The following ITGA2 variants were observed in gnomAD, a reference collection of about 807,000 sequenced individuals.
ITGA2 encodes integrin alpha-2.
In ITGA2, 101 loss-of-function variants were observed where a neutral mutation model predicts 146.3. The ratio of observed to expected loss-of-function variants is 0.69; its 90% CI spans 0.59 to 0.81. The LOEUF (loss-of-function observed/expected upper bound fraction) is 0.81. Ranked by LOEUF, ITGA2 falls within the 40% of genes least tolerant of loss-of-function variation. ITGA2 has a pLI of 0.00. For synonymous variants in ITGA2, 477 were observed against 487.1 expected (o/e 0.98, Z 0.27); for missense variants, 1,281 against 1,402.7 (o/e 0.91, Z 1.39).
chr5:53,058,584 G>C (rs1405109412), intron 10 of ITGA2, among the ~76,000 whole-genome samples: 1 of 151,800 alleles, frequency 6.6e-6, no homozygotes. Flanking sequence ...TGTCTTTTCA[G>C]CTCGGGGAAG....
At chr5:53,031,781 T>G (rs1743238076) in intron 2 of ITGA2, among the ~76,000 whole-genome samples, 1 of 152,228 alleles carries the variant, frequency 6.6e-6, no homozygotes, top group Non-Finnish European at 1.5e-5. Flanking sequence ...AGTAAGGCTG[T>G]GGTCTGTTCT....
At chr5:53,054,799 C>T (rs950916515) in intron 7 of ITGA2, among the ~76,000 whole-genome samples, 7 of 151,938 alleles carry the variant, frequency 4.6e-5, no homozygotes, top group African/African-American at 9.6e-5. Flanking sequence ...TGGTGGGAAG[C>T]GGGTGAGGGA....
chr5:53,002,784 C>CA (rs1348682374), intron 1 of ITGA2, among the ~76,000 whole-genome samples: 2 of 151,990 alleles, frequency 1.3e-5, no homozygotes, highest in African/African-American at 2.4e-5. Flanking sequence ...ACAGTGTAGC[C>CA]ATCTGTAATG....
In ITGA2 at chr5:53,048,412, C is replaced by T. The variant is rs148042733; in HGVS notation, c.437C>T (p.Thr146Met). Residue 146 changes from threonine to methionine, a missense_variant, in exon 5 of 30, where the codon ACG (threonine) becomes ATG (methionine). Physicochemically the swap from Thr to Met is moderately conservative, Grantham distance 81. Transcript: ENST00000296585. ...CAATGTGGGAATCAGTATTACACAA[C>T]GGGTGTGTGTTCTGACATCAGTCCT... ...AQQCGNQYYT[T>M]GVCSDISPDF... The T allele has an allele frequency of 5.1e-5, 82 of 1,613,916 alleles. No homozygotes were observed. Among genetic ancestry groups the T allele is most frequent in the Middle Eastern group, 1.6e-4 (1 of 6,084 alleles).
rs1194232651 is a variant in ITGA2 at position 53,090,378 on chromosome 5, AG to A, written c.3466-139del. The A allele has an allele frequency of 6.8e-6, 5 of 738,672 alleles. No individual in the cohort carries two copies. In the Admixed American group the frequency reaches 1.0e-4, roughly 15 times the overall value. 45.8% of individuals were successfully genotyped at this position (738,672 alleles called of 1,614,324 possible). A position where few individuals can be genotyped will look rare whatever the true frequency, so the allele number is the denominator to read the frequency against. ...TTCCTTCTAGCAGGTGGTAGATATC[AG>A]GTCATCAGTCTGCACACCTCCCTTC... On this transcript the variant is annotated intron_variant, in intron 29 of 29. Transcript: ENST00000296585.
At position 53,068,581 on chromosome 5, in the gene ITGA2, G is replaced by A. The variant is rs899936202; in HGVS notation, c.2083+1324G>A. 8.6e-5 allele frequency among the ~76,000 whole-genome samples: 13 copies of A among 151,648 alleles called. 1 individual carries two copies. Among genetic ancestry groups the A allele is most frequent in the Non-Finnish European group, 1.5e-5 (1 of 67,844 alleles). Reference sequence around the variant, plus strand: ...CAGAGAATTTCCTTCCCATCCACAGGCTGCCGAGGGTTTCTGGCCTTTCTT... The same window carrying A: ...CAGAGAATTTCCTTCCCATCCACAGACTGCCGAGGGTTTCTGGCCTTTCTT... On this transcript the variant is annotated intron_variant, in intron 16 of 29. Transcript: ENST00000296585.
In ITGA2 at chr5:53,048,432, A is replaced by G. The variant is rs1744194720; in HGVS notation, c.457A>G (p.Ser153Gly). The change falls in exon 5 of 30, where the codon AGT becomes GGT. Residue 153 changes from serine to glycine, a missense_variant. Transcript: ENST00000296585. ...CACAACGGGTGTGTGTTCTGACATC[A>G]GTCCTGATTTTCAGCTCTCAGCCAG... ...YYTTGVCSDISPDFQLSASFS... is the reference protein window; with the variant it reads ...YYTTGVCSDIGPDFQLSASFS... 1.9e-6 allele frequency: 3 copies of G among 1,614,148 alleles called. No individual in the cohort carries two copies. The highest frequency in any genetic ancestry group is 2.5e-6 in the Non-Finnish European group (3 of 1,179,992).
intron 1 of ITGA2, among the ~76,000 whole-genome samples, chr5:53,024,459 TC>T (rs1742840338): frequency 6.6e-6 from 1 of 152,076 alleles, no homozygotes; most frequent in Non-Finnish European, 1.5e-5. Context: ...TAAAAAAAAA[TC>T]CTAGGTGCTG....
At position 53,083,398 on chromosome 5, in the gene ITGA2, AAGG is replaced by A; in HGVS notation, c.3206_3208del (p.Gly1069del). On this transcript the variant is annotated inframe_deletion, in exon 27 of 30. Coordinates refer to ENST00000296585, the MANE Select transcript of ITGA2 (RefSeq NM_002203.4). ...TGCTGGTTGAAAGACGTTCACATGA[AAGG>A]AGAATACTTTGTTAATGTGACTACC... The A allele has an allele frequency of 3.1e-6, 5 of 1,613,754 alleles. No individual in the cohort carries two copies. The highest frequency in any genetic ancestry group is 3.4e-6 in the Non-Finnish European group (4 of 1,179,678).
At chr5:53,058,694 A>AAGAGATCC (rs1212911599) in intron 10 of ITGA2, among the ~76,000 whole-genome samples, 3 of 151,882 alleles carry the variant, frequency 2.0e-5, no homozygotes, top group African/African-American at 2.4e-5. Flanking sequence ...AAAAAAAAGA[A>AAGAGATCC]AGAGATCCTG....
intron 2 of ITGA2, among the ~76,000 whole-genome samples, chr5:53,039,449 CA>C (rs1269102755): frequency 6.6e-6 from 1 of 151,830 alleles, no homozygotes; most frequent in Non-Finnish European, 1.5e-5. Context: ...TTACTTGGAC[CA>C]AACAAGCAAA....
chr5:53,064,900 C>A lies in ITGA2; in HGVS notation c.1603-12C>A, dbSNP rs754780806. The A allele has an allele frequency of 6.2e-7, 1 of 1,610,984 alleles. No individual in the cohort carries two copies. On this transcript the variant is annotated splice_polypyrimidine_tract_variant and intron_variant, in intron 13 of 29. Coordinates refer to ENST00000296585, the MANE Select transcript of ITGA2 (RefSeq NM_002203.4). The stretch of plus-strand genomic sequence containing the variant: ...GTTTGCTTTAATCATCCTTTTGTTT[C>A]CCCTTTGCAAGGGCATTTTGGGTCA...
intron 1 of ITGA2, among the ~76,000 whole-genome samples, chr5:53,000,221 GTTC>G (rs1306034501): frequency 6.6e-6 from 1 of 152,090 alleles, no homozygotes; most frequent in African/African-American, 2.4e-5. Context: ...TTATCACACA[GTTC>G]TTCATCACCA....
intron 2 of ITGA2, among the ~76,000 whole-genome samples, chr5:53,033,277 A>T (rs907621106): frequency 1.3e-5 from 2 of 152,010 alleles, no homozygotes; most frequent in African/African-American, 2.4e-5. Context: ...TCAAAAAAAA[A>T]ACTGGGTCCT....
chr5:53,035,988 A>T (rs1386900561), intron 2 of ITGA2, among the ~76,000 whole-genome samples: 1 of 152,116 alleles, frequency 6.6e-6, no homozygotes, highest in Non-Finnish European at 1.5e-5. Context: ...ATCTGATGGT[A>T]GTGACTAGTT....
In ITGA2 at chr5:53,067,237, C is replaced by T. The variant is rs777937455; in HGVS notation, c.2063C>T (p.Thr688Ile). The T allele has an allele frequency of 1.9e-6, 3 of 1,611,486 alleles. No homozygotes were observed. The highest frequency in any genetic ancestry group is 2.7e-5 in the African/African-American group (2 of 74,752). Reference protein sequence around the residue: ...KLCFSAKFRPTKQNNQVAIVY... With the variant: ...KLCFSAKFRPIKQNNQVAIVY... ...TGCTTCAGTGCAAAGTTCAGACCTA[C>T]TAAGCAAAACAATCAAGTGGGTGCG... Residue 688 changes from threonine (T) to isoleucine (I), a missense_variant, in exon 16 of 30, where the codon ACT becomes ATT. By Grantham distance (89) the Thr-to-Ile change is moderately conservative. Coordinates refer to ENST00000296585, the MANE Select transcript of ITGA2 (RefSeq NM_002203.4).
intron 1 of ITGA2, among the ~76,000 whole-genome samples, chr5:52,992,629 C>T (rs1310349647): frequency 2.0e-5 from 3 of 152,200 alleles, no homozygotes; most frequent in Non-Finnish European, 2.9e-5. Flanking sequence ...CAACTCCTGC[C>T]ACCCAGTCAG....
intron 10 of ITGA2, 47 bp downstream of exon 10, chr5:53,058,148 A>G (rs1028695429): frequency 1.5e-6 from 2 of 1,339,982 alleles, no homozygotes; most frequent in African/African-American, 2.9e-5. Flanking sequence ...TTGGCATAAC[A>G]CTTCCAGACA....
At chr5:53,057,417 G>T (rs1744693872) in intron 9 of ITGA2, among the ~76,000 whole-genome samples, 1 of 151,918 alleles carries the variant, frequency 6.6e-6, no homozygotes, top group African/African-American at 2.4e-5. Context: ...TGGAAAATAA[G>T]TACCAATTGC....
Sources: allele counts gnomAD v4.1 joint callset (sites outside exome capture counted in the v4.1 genomes callset), GRCh38; gene constraint gnomAD v4.1.1; transcripts MANE v1.5; gene names NCBI Gene and HGNC (gene_info 2026-07-23, HGNC 2026-07-21).